ZNF516: variants seen among roughly 807,000 people sequenced by gnomAD.
The protein encoded by ZNF516 is zinc finger protein 516.
In ZNF516, 19 loss-of-function variants were observed where a neutral mutation model predicts 79.7. The observed-to-expected ratio is 0.24, with a 90% CI of 0.17 to 0.35. The LOEUF is 0.35. Ranked by LOEUF, ZNF516 falls within the 10% of genes least tolerant of loss-of-function variation. The pLI, the probability that ZNF516 is intolerant of heterozygous loss-of-function variation, is 1.00. For missense variants in ZNF516, 1,678 were observed against 1,679.5 expected, an observed-to-expected ratio of 1.00 and a Z score of 0.02; for synonymous variants, 877 against 739.5, an observed-to-expected ratio of 1.19 and a Z score of -3.02.
chr18:76,476,845 G>A (rs1238436097), intron 1 of ZNF516, among the ~76,000 whole-genome samples: 1 of 152,146 alleles, frequency 6.6e-6, no homozygotes, highest in Non-Finnish European at 1.5e-5. Flanking sequence ...AAGCTCTTGA[G>A]CCCCCCAGAT....
intron 5 of ZNF516, 36 bp downstream of exon 5, chr18:76,371,431 G>C (rs1208350215): frequency 1.3e-6 from 2 of 1,571,464 alleles, no homozygotes; most frequent in African/African-American, 1.3e-5. Flanking sequence ...CTCTTCCTCT[G>C]CTCCCCTTGG....
intron 3 of ZNF516, among the ~76,000 whole-genome samples, chr18:76,431,904 G>T (rs756603129): frequency 6.6e-6 from 1 of 152,188 alleles, no homozygotes; most frequent in East Asian, 1.9e-4. Context: ...GGACTAACAC[G>T]CAGTGCACCA....
In ZNF516 at chr18:76,438,746, A is replaced by G. The variant is rs550162010; in HGVS notation, c.1810+2499T>C. On this transcript the variant is annotated intron_variant, in intron 3 of 6. Coordinates refer to ENST00000443185, the MANE Select transcript of ZNF516 (RefSeq NM_014643.4). The stretch of plus-strand genomic sequence containing the variant: ...TAATGCAAATTATTTCCAGATCCAG[A>G]AACAGCATTCAAATCAATTCCCAGA... Among the ~76,000 whole-genome samples, 6 of 152,354 alleles carry G rather than the reference A, an allele frequency of 3.9e-5. No homozygotes were observed. In the South Asian group the frequency reaches 1.0e-3, roughly 26 times the overall value.
intron 3 of ZNF516, among the ~76,000 whole-genome samples, chr18:76,418,597 C>T (rs1446901927): frequency 5.3e-5 from 8 of 151,494 alleles, no homozygotes; most frequent in Non-Finnish European, 1.0e-4. Flanking sequence ...GTCACTGATG[C>T]AAACATACAG....
At chr18:76,424,474 G>C (rs1297929824) in intron 3 of ZNF516, among the ~76,000 whole-genome samples, 2 of 144,496 alleles carry the variant, frequency 1.4e-5, no homozygotes, top group Non-Finnish European at 3.0e-5. Flanking sequence ...CAGGTGAAAA[G>C]GTTCCCACAT....
At chr18:76,419,370 C>T (rs753050939) in intron 3 of ZNF516, among the ~76,000 whole-genome samples, 9 of 152,176 alleles carry the variant, frequency 5.9e-5, no homozygotes, top group Non-Finnish European at 7.3e-5. Flanking sequence ...GAAGGTGCAG[C>T]CAGACCAAAA....
intron 4 of ZNF516, among the ~76,000 whole-genome samples, chr18:76,372,155 C>T (rs1228198561): frequency 2.0e-5 from 3 of 152,256 alleles, no homozygotes; most frequent in Non-Finnish European, 4.4e-5. Context: ...GGTGCGTGCA[C>T]CTGCTGGCCA....
Position 76,379,331 on chromosome 18 carries a change from C to T in ZNF516, c.2783G>A (p.Ser928Asn). Reference protein sequence around the residue: ...PAPGGGGFSRSATPTPTVIAR... With the variant: ...PAPGGGGFSRNATPTPTVIAR... Reference sequence around the variant, plus strand: ...GATGACGGTGGGCGTAGGGGTGGCGCTCCTGCTGAAGCCCCCGCCACCCGG... The same window carrying T: ...GATGACGGTGGGCGTAGGGGTGGCGTTCCTGCTGAAGCCCCCGCCACCCGG... Residue 928 changes from serine (S) to asparagine (N), a missense_variant, in exon 4 of 7, where the codon AGC becomes AAC. Transcript: ENST00000443185. 1.9e-6 allele frequency: 3 copies of T among 1,596,432 alleles called. No homozygotes were observed. Among genetic ancestry groups the T allele is most frequent in the Non-Finnish European group, 2.6e-6 (3 of 1,170,836 alleles).
chr18:76,406,685 T>C (rs1435852631), intron 3 of ZNF516, among the ~76,000 whole-genome samples: 1 of 152,230 alleles, frequency 6.6e-6, no homozygotes, highest in Non-Finnish European at 1.5e-5. Flanking sequence ...CTGCACGTTA[T>C]CATGGGTTCC....
chr18:76,403,168 C>T (rs1204620860), intron 3 of ZNF516, among the ~76,000 whole-genome samples: 1 of 152,200 alleles, frequency 6.6e-6, no homozygotes, highest in Non-Finnish European at 1.5e-5. Flanking sequence ...AGGAATAAAA[C>T]ACAACTGCTT....
intron 1 of ZNF516, among the ~76,000 whole-genome samples, chr18:76,475,699 T>C (rs980030301): frequency 6.6e-6 from 1 of 152,188 alleles, no homozygotes; most frequent in Non-Finnish European, 1.5e-5. Context: ...GTCCATGCTC[T>C]GGCCACACTG....
At chr18:76,385,502 G>A (rs774645028) in intron 3 of ZNF516, 2 of 150,222 alleles carry the variant, frequency 1.3e-5, no homozygotes, top group East Asian at 3.8e-4. Flanking sequence ...AAAAAAGTCT[G>A]CAGCCACGCA....
chr18:76,377,434 C>T (rs1217886195), intron 4 of ZNF516, among the ~76,000 whole-genome samples: 1 of 152,276 alleles, frequency 6.6e-6, no homozygotes, highest in East Asian at 1.9e-4. Context: ...ATGTCTCCTA[C>T]TGGAAAACAC....
At chr18:76,489,100 AAC>A (rs773139939) in intron 1 of ZNF516, among the ~76,000 whole-genome samples, 10 of 152,358 alleles carry the variant, frequency 6.6e-5, no homozygotes, top group South Asian at 6.2e-4. Flanking sequence ...TGAAACTCTA[AAC>A]ACAGTCTCCA....
In ZNF516 at chr18:76,482,172, G is replaced by A. The variant is rs1400484464; in HGVS notation, c.-272+12972C>T. ...CTGAGAGTCAGTGCAACACATCAAC[G>A]GCCATGTTTTGCTTTTTGTTTTAGG... is the stretch of plus-strand genomic sequence containing the variant. On this transcript the variant is annotated intron_variant, in intron 1 of 6. Coordinates refer to ENST00000443185, the MANE Select transcript of ZNF516 (RefSeq NM_014643.4). 2.6e-5 allele frequency among the ~76,000 whole-genome samples: 4 copies of A among 152,088 alleles called. No homozygotes were observed. In the South Asian group the frequency reaches 6.2e-4, roughly 24 times the overall value.
chr18:76,372,568 C>T (rs1390032149), intron 4 of ZNF516: 2 of 152,184 alleles, frequency 1.3e-5, no homozygotes, highest in African/African-American at 4.8e-5. Flanking sequence ...AAGAGAATGA[C>T]AAAAGGCACC....
chr18:76,395,578 T>C (rs989514288), intron 3 of ZNF516, among the ~76,000 whole-genome samples: 1 of 152,032 alleles, frequency 6.6e-6, no homozygotes, highest in African/African-American at 2.4e-5. Context: ...GGTACGGAAT[T>C]CTGGCAGCAC....
intron 3 of ZNF516, among the ~76,000 whole-genome samples, chr18:76,438,070 T>C (rs76892532): frequency 0.05 from 7,555 of 152,324 alleles, 249 homozygotes; most frequent in Middle Eastern, 0.085. Context: ...TTGAATGATA[T>C]GCAGCTCAAC....
chr18:76,417,258 T>C (rs1224594424), intron 3 of ZNF516, among the ~76,000 whole-genome samples: 1 of 152,210 alleles, frequency 6.6e-6, no homozygotes, highest in Non-Finnish European at 1.5e-5. Context: ...GAAAGCTGGG[T>C]GCACGATTTT....
Sources: gnomAD v4.1 joint callset for allele counts (sites outside exome capture counted in the v4.1 genomes callset) on GRCh38, gnomAD v4.1.1 for gene constraint, MANE v1.5 for transcripts, NCBI Gene and HGNC (gene_info 2026-07-23, HGNC 2026-07-21) for gene names.